The following DENND5A variants were observed in gnomAD, a reference collection of about 807,000 sequenced individuals.
The protein encoded by DENND5A is DENN domain-containing protein 5A.
DENND5A carries 64 observed loss-of-function variants against 140.3 expected under a neutral mutation model. The ratio of observed to expected loss-of-function variants is 0.46; its 90% CI spans 0.37 to 0.56. DENND5A has a LOEUF of 0.56. Among genes scored for constraint, DENND5A ranks in the 20% least tolerant of loss-of-function variants. DENND5A has a pLI of 0.00. For synonymous variants in DENND5A, 605 were observed against 607.7 expected (o/e 1.00, Z 0.07); for missense variants, 1,292 against 1,593.8 (o/e 0.81, Z 3.22).
chr11:9,170,600 AT>A, intron 9 of DENND5A, 26 bp downstream of exon 9: 1 of 1,613,244 alleles, frequency 6.2e-7, no homozygotes, highest in Non-Finnish European at 8.5e-7. Flanking sequence ...AGGGAGTTGG[AT>A]TAGTGAATCC....
chr11:9,140,666 C>T (rs908022465), intron 22 of DENND5A, among the ~76,000 whole-genome samples: 1 of 152,178 alleles, frequency 6.6e-6, no homozygotes, highest in African/African-American at 2.4e-5. Context: ...GCCCTTGCCA[C>T]GTTCTGTTAT....
At chr11:9,213,887 G>A (rs538188088) in intron 1 of DENND5A, among the ~76,000 whole-genome samples, 1 of 151,280 alleles carries the variant, frequency 6.6e-6, no homozygotes, top group African/African-American at 2.4e-5. Context: ...CACATAGACT[G>A]CCTCAACTTA....
At chr11:9,185,871 G>A (rs986643745) in intron 5 of DENND5A, among the ~76,000 whole-genome samples, 2 of 151,778 alleles carry the variant, frequency 1.3e-5, no homozygotes, top group African/African-American at 2.4e-5. Context: ...GTCTGTGTGT[G>A]TGCGTTTTCT....
intron 22 of DENND5A, chr11:9,140,092 C>T: frequency 2.3e-6 from 3 of 1,315,968 alleles, no homozygotes; most frequent in South Asian, 2.6e-5. Flanking sequence ...TCCTCCCCTG[C>T]CTCCCTCGCC....
intron 4 of DENND5A, among the ~76,000 whole-genome samples, chr11:9,194,871 C>A (rs1024739540): frequency 1.3e-5 from 2 of 151,150 alleles, no homozygotes; most frequent in Non-Finnish European, 2.9e-5. Flanking sequence ...AGGTGCCCAC[C>A]ACCGCACCTG....
chr11:9,149,408 T>TG (rs1373179152), intron 15 of DENND5A, among the ~76,000 whole-genome samples: 3 of 152,190 alleles, frequency 2.0e-5, no homozygotes, highest in African/African-American at 7.2e-5. Context: ...ATGCCTTCAA[T>TG]GAAAGCAAAC....
chr11:9,170,864 T>G, intron 8 of DENND5A, 87 bp from the exon 9 acceptor site: 1 of 1,562,892 alleles, frequency 6.4e-7, no homozygotes. Context: ...TTTAAGAATC[T>G]AGCTACTCTT....
At chr11:9,190,077 A>G (rs1849063913) in intron 5 of DENND5A, among the ~76,000 whole-genome samples, 1 of 152,082 alleles carries the variant, frequency 6.6e-6, no homozygotes, top group African/African-American at 2.4e-5. Context: ...TTTTTGGCCA[A>G]TTTCTCTCAT....
chr11:9,244,782 C>T (rs538165935), intron 1 of DENND5A, among the ~76,000 whole-genome samples: 7 of 152,242 alleles, frequency 4.6e-5, no homozygotes, highest in Non-Finnish European at 7.4e-5. Context: ...TCAAGCAATC[C>T]TCCCACCTCA....
intron 16 of DENND5A, among the ~76,000 whole-genome samples, chr11:9,146,092 C>A (rs928690858): frequency 6.6e-6 from 1 of 152,164 alleles, no homozygotes; most frequent in Non-Finnish European, 1.5e-5. Flanking sequence ...ACTAAATGAA[C>A]CTGTTCGTTA....
At chr11:9,185,902 ATG>A (rs1848897444) in intron 5 of DENND5A, among the ~76,000 whole-genome samples, 1 of 149,082 alleles carries the variant, frequency 6.7e-6, no homozygotes, top group South Asian at 2.2e-4. Flanking sequence ...GTGTCTGTGC[ATG>A]TGTGTCTATT....
rs1325228453 is a variant in DENND5A, at chr11:9,164,139, T to TCCTACCTCAGC, written c.2283+1686_2283+1696dup. Reference sequence around the variant, plus strand: ...TTGACCTCCAGGGCTCAAATGATCCTCCTACCTCAGCCCACCAAAGTAGCT... The same window carrying TCCTACCTCAGC: ...TTGACCTCCAGGGCTCAAATGATCCTCCTACCTCAGCCCTACCTCAGCCCACCAAAGTAGCT... On this transcript the variant is annotated intron_variant, in intron 11 of 22. Transcript: ENST00000328194. Among the ~76,000 whole-genome samples the TCCTACCTCAGC allele has an allele frequency of 3.9e-4, 46 of 119,276 alleles. 1 individual carries two copies. The highest frequency in any genetic ancestry group is 4.5e-3 in the Middle Eastern group (1 of 224). 78.2% of individuals were successfully genotyped at this position (119,276 alleles called of 152,430 possible).
At chr11:9,250,883 C>T (rs1851687892) in intron 1 of DENND5A, among the ~76,000 whole-genome samples, 1 of 152,070 alleles carries the variant, frequency 6.6e-6, no homozygotes, top group Admixed American at 6.6e-5. Context: ...CCTGTAATCC[C>T]AGCACTTTGG....
chr11:9,217,619 G>A (rs996311843), intron 1 of DENND5A, among the ~76,000 whole-genome samples: 13 of 152,162 alleles, frequency 8.5e-5, no homozygotes, highest in Non-Finnish European at 1.5e-4. Context: ...CTGCTAATTA[G>A]TACAAAGTTT....
intron 1 of DENND5A, among the ~76,000 whole-genome samples, chr11:9,260,024 T>A (rs1282944204): frequency 6.4e-5 from 3 of 46,584 alleles, no homozygotes; most frequent in African/African-American, 7.9e-5. Context: ...CAGGACTCCA[T>A]CTCAAAAAAA....
At chr11:9,170,082 A>G in intron 9 of DENND5A, 133 bp from the exon 10 acceptor site, 1 of 826,634 alleles carries the variant, frequency 1.2e-6, no homozygotes, top group Non-Finnish European at 1.9e-6. Context: ...CACCAGAGAC[A>G]GCTCAGAGAC....
chr11:9,153,015 A>C (rs10047438), intron 12 of DENND5A, among the ~76,000 whole-genome samples: 2 of 147,082 alleles, frequency 1.4e-5, no homozygotes, highest in African/African-American at 5.0e-5. Flanking sequence ...AAAAAACAAA[A>C]AAGAAAGAAA....
At chr11:9,188,337 CT>C (rs1348836693) in intron 5 of DENND5A, among the ~76,000 whole-genome samples, 1 of 152,160 alleles carries the variant, frequency 6.6e-6, no homozygotes. Context: ...ACCTCTTTTT[CT>C]TCCCACTCTC....
At chr11:9,174,532 T>A (rs576929595) in intron 8 of DENND5A, among the ~76,000 whole-genome samples, 40 of 149,040 alleles carry the variant, frequency 2.7e-4, no homozygotes, top group African/African-American at 9.9e-4. Flanking sequence ...TTTTTTTTTT[T>A]AGAAAAAAAA....
Sources: allele counts gnomAD v4.1 joint callset (sites outside exome capture counted in the v4.1 genomes callset), GRCh38; gene constraint gnomAD v4.1.1; transcripts MANE v1.5; gene names NCBI Gene and HGNC (gene_info 2026-07-23, HGNC 2026-07-21).